Variants in MNS1 observed in about 807,000 individuals in gnomAD.
MNS1 encodes meiosis-specific nuclear structural protein 1.
Under a neutral mutation model 72.0 loss-of-function variants are expected in MNS1, and 63 were observed. The observed-to-expected ratio is 0.87, with a 90% confidence interval of 0.71 to 1.08. The LOEUF is 1.08. Among genes scored for constraint, MNS1 ranks in the 50% least tolerant of loss-of-function variants. MNS1 has a pLI of 0.00. For missense variants in MNS1, 604 were observed against 562.4 expected (o/e 1.07, Z -0.75); for synonymous variants, 188 against 172.1 (o/e 1.09, Z -0.72).
At position 56,443,285 on chromosome 15, in the gene MNS1, AT is replaced by A. The variant is rs1596261648; in HGVS notation, c.1011+144del. 5.8e-6 allele frequency: 3 copies of A among 521,570 alleles called. No homozygotes were observed. The East Asian group carries it at 1.0e-4, about 18-fold the overall frequency. The allele number at this position is 521,570 out of a possible 1,614,324, so 32.3% of individuals were successfully genotyped here. ...GTCTATCTTTTTAGCCAGCTTGAAA[AT>A]TTCTGTCTTTTAACTGTAGTATACC... On this transcript the variant is annotated intron_variant, in intron 7 of 9. Coordinates refer to ENST00000260453, the MANE Select transcript of MNS1 (RefSeq NM_018365.4).
intron 3 of MNS1, 26 bp downstream of exon 3, chr15:56,456,368 A>C: frequency 1.3e-6 from 2 of 1,585,844 alleles, no homozygotes. Flanking sequence ...AGACTAAATA[A>C]ATGAAATTTA....
intron 4 of MNS1, 99 bp from the exon 5 acceptor site, chr15:56,444,772 CATAAA>C (rs1393675801): frequency 4.6e-6 from 5 of 1,076,298 alleles, no homozygotes; most frequent in African/African-American, 3.2e-5. Flanking sequence ...AAGTCTTTTA[CATAAA>C]ATAAATTTTT....
chr15:56,438,542 T>C (rs1272722685), intron 7 of MNS1, among the ~76,000 whole-genome samples: 1 of 152,078 alleles, frequency 6.6e-6, no homozygotes, highest in Non-Finnish European at 1.5e-5. Context: ...ATAAAAACCC[T>C]AGAAGAAAAC....
At chr15:56,455,667 G>A (rs1383779693) in intron 3 of MNS1, among the ~76,000 whole-genome samples, 2 of 152,142 alleles carry the variant, frequency 1.3e-5, no homozygotes, top group Middle Eastern at 3.2e-3. Context: ...ATCTTAGGCA[G>A]GATCAAGAAA....
intron 9 of MNS1, chr15:56,429,640 AG>A (rs1394743659): frequency 6.5e-6 from 1 of 152,794 alleles, no homozygotes; most frequent in African/African-American, 2.4e-5. Context: ...AAAAGAATCC[AG>A]GTTTGGAGTT....
At chr15:56,452,827 T>C (rs1164953049) in intron 3 of MNS1, among the ~76,000 whole-genome samples, 1 of 152,146 alleles carries the variant, frequency 6.6e-6, no homozygotes, top group Non-Finnish European at 1.5e-5. Context: ...CTAATCCATA[T>C]TGTTTTCACA....
At chr15:56,435,675 T>A (rs550722287) in intron 7 of MNS1, among the ~76,000 whole-genome samples, 6 of 152,160 alleles carry the variant, frequency 3.9e-5, no homozygotes, top group African/African-American at 1.4e-4. Context: ...ACGGAATTAA[T>A]AACTTAAAAT....
At chr15:56,440,920 T>C (rs12438630) in intron 7 of MNS1, among the ~76,000 whole-genome samples, 6,735 of 152,266 alleles carry the variant, frequency 0.044, 222 homozygotes, top group Admixed American at 0.088. Context: ...TTTCTACTTT[T>C]AGACTATTGT....
intron 7 of MNS1, among the ~76,000 whole-genome samples, chr15:56,436,508 A>G (rs1302868017): frequency 6.6e-6 from 1 of 152,216 alleles, no homozygotes; most frequent in African/African-American, 2.4e-5. Flanking sequence ...AAATCAGGAA[A>G]GATCTAAAAT....
chr15:56,429,048 G>T lies in MNS1; in HGVS notation c.*53C>A. 8.6e-7 allele frequency: 1 copy of T among 1,156,786 alleles called. No homozygotes were observed. The highest frequency in any genetic ancestry group is 1.2e-6 in the Non-Finnish European group (1 of 807,910). 71.7% of individuals were successfully genotyped at this position (1,156,786 alleles called of 1,614,324 possible). On this transcript the variant is annotated 3_prime_UTR_variant, in exon 10 of 10. Coordinates refer to ENST00000260453, the MANE Select transcript of MNS1 (RefSeq NM_018365.4). The stretch of plus-strand genomic sequence containing the variant: ...TGAACTGTAAAACAAAAGTTATGCT[G>T]ACATCTAGTGGTAACATGCAAAAAA...
rs146394841 is a variant in MNS1, at chr15:56,453,994, T to C, written c.353+2400A>G. On this transcript the variant is annotated intron_variant, in intron 3 of 9. Coordinates refer to ENST00000260453, the MANE Select transcript of MNS1 (RefSeq NM_018365.4). ...GTTCCCTGAATTTAGACATGCCAAT[T>C]TGAAATACAGTCCATTTCTGCATGA... Among the ~76,000 whole-genome samples, 9 of 152,306 alleles carry C rather than the reference T, an allele frequency of 5.9e-5. No individual in the cohort carries two copies. In the East Asian group the frequency reaches 1.5e-3, roughly 26 times the overall value.
rs1393179390 is a variant in MNS1, at chr15:56,431,613, T to G, written c.1270-115A>C. 8 of 910,638 alleles carry G rather than the reference T, an allele frequency of 8.8e-6. No homozygotes were observed. In the South Asian group the frequency reaches 9.0e-5, roughly 10 times the overall value. The allele number at this position is 910,638 out of a possible 1,614,324, so 56.4% of individuals were successfully genotyped here. ...AAAATTGATGAACTATTTATGACACTAAGTTCAAAAGATTCTAGATAATAT... is the reference window on the plus strand; with the variant it reads ...AAAATTGATGAACTATTTATGACACGAAGTTCAAAAGATTCTAGATAATAT... On this transcript the variant is annotated intron_variant, in intron 8 of 9. Coordinates refer to ENST00000260453, the MANE Select transcript of MNS1 (RefSeq NM_018365.4).
Position 56,444,636 on chromosome 15 carries a change from T to A in MNS1, c.494A>T (p.Glu165Val). Residue 165 changes from glutamate (E) to valine (V), a missense_variant, in exon 5 of 10, where the codon GAA becomes GTA. Transcript: ENST00000260453. ...CTCTTCCTTTATTATTCTCTTGTGTTCTTCCATCATGGTTTTGGCTATTTC... is the reference window on the plus strand; with the variant it reads ...CTCTTCCTTTATTATTCTCTTGTGTACTTCCATCATGGTTTTGGCTATTTC... The part of the protein sequence containing the change: ...DAEIAKTMME[E>V]HKRIIKEENA... The A allele has an allele frequency of 6.2e-7, 1 of 1,612,300 alleles. No individual in the cohort carries two copies. The highest frequency in any genetic ancestry group is 8.5e-7 in the Non-Finnish European group (1 of 1,179,352).
chr15:56,443,623 T>C lies in MNS1; in HGVS notation c.903+15A>G. ...CAGAATTTTACTAGTGTTAAAGAAG[T>C]GGTTATTTTAATACCGCATTCTGAA... On this transcript the variant is annotated intron_variant, in intron 6 of 9. Transcript: ENST00000260453. The C allele has an allele frequency of 3.1e-6, 5 of 1,605,786 alleles. No homozygotes were observed. Among genetic ancestry groups the C allele is most frequent in the Non-Finnish European group, 4.2e-6 (5 of 1,176,474 alleles).
At chr15:56,440,839 CATTTT>C (rs1222330068) in intron 7 of MNS1, among the ~76,000 whole-genome samples, 2 of 152,060 alleles carry the variant, frequency 1.3e-5, no homozygotes, top group African/African-American at 4.8e-5. Flanking sequence ...AGCTGAATAA[CATTTT>C]ATTACATGGA....
At chr15:56,433,768 G>C (rs1274904009) in intron 8 of MNS1, among the ~76,000 whole-genome samples, 2 of 152,050 alleles carry the variant, frequency 1.3e-5, no homozygotes, top group Admixed American at 6.6e-5. Context: ...AGCATGCAGG[G>C]TGTTCATGAT....
At chr15:56,447,154 T>C (rs981031403) in intron 3 of MNS1, 3 of 428,384 alleles carry the variant, frequency 7.0e-6, no homozygotes, top group African/African-American at 5.9e-5. Context: ...ACTGCTCTGT[T>C]CTATTACATT....
At chr15:56,446,777 G>C in intron 4 of MNS1, 64 bp downstream of exon 4, 1 of 1,242,950 alleles carries the variant, frequency 8.0e-7, no homozygotes, top group South Asian at 1.4e-5. Context: ...AATTTTTTAA[G>C]AAACAAGTCT....
At chr15:56,457,078 G>C (rs1003526771) in intron 2 of MNS1, among the ~76,000 whole-genome samples, 4 of 152,050 alleles carry the variant, frequency 2.6e-5, no homozygotes, top group Non-Finnish European at 4.4e-5. Context: ...TCCACATATT[G>C]CATCTAATTA....
Sources: gnomAD v4.1 joint callset for allele counts (sites outside exome capture counted in the v4.1 genomes callset) on GRCh38, gnomAD v4.1.1 for gene constraint, MANE v1.5 for transcripts, NCBI Gene and HGNC (gene_info 2026-07-23, HGNC 2026-07-21) for gene names.